The following HPSE2 variants were observed in gnomAD, a reference collection of about 807,000 sequenced individuals.
HPSE2 encodes the protein heparanase 2 (inactive).
A neutral mutation model predicts 60.5 loss-of-function variants in HPSE2; 38 were observed. The ratio of observed to expected loss-of-function variants is 0.63; its 90% CI spans 0.48 to 0.82. The LOEUF (loss-of-function observed/expected upper bound fraction) is 0.82. Among genes scored for constraint, HPSE2 ranks in the 40% least tolerant of loss-of-function variants. The pLI is 0.00. For missense variants in HPSE2, 713 were observed against 740.4 expected (o/e 0.96, Z 0.43); for synonymous variants, 295 against 293.2 (o/e 1.01, Z -0.06).
chr10:98,483,478 G>C (rs1280952967), intron 10 of HPSE2, among the ~76,000 whole-genome samples: 2 of 152,154 alleles, frequency 1.3e-5, no homozygotes, highest in Non-Finnish European at 2.9e-5. Flanking sequence ...GATTATTTCT[G>C]ATGGATAAAG....
rs533961819 is a variant in HPSE2 at position 98,829,715 on chromosome 10, A to G, written c.611-85659T>C. On this transcript the variant is annotated intron_variant, in intron 3 of 11. Coordinates refer to ENST00000370552, the MANE Select transcript of HPSE2 (RefSeq NM_021828.5). ...CCCCCAAAACAAAAACAAACAAACA[A>G]AAAACCAAAAACTTTATCTAGCCTT... Among the ~76,000 whole-genome samples, 567 of 152,260 alleles carry G rather than the reference A, an allele frequency of 3.7e-3. 8 individuals carry two copies. Among genetic ancestry groups the G allele is most frequent in the African/African-American group, 0.013 (546 of 41,556 alleles).
intron 11 of HPSE2, among the ~76,000 whole-genome samples, chr10:98,476,450 A>C (rs1011720012): frequency 2.7e-5 from 4 of 150,866 alleles, no homozygotes; most frequent in African/African-American, 9.8e-5. Flanking sequence ...GTGCACATGT[A>C]CCCTAAAACT....
At chr10:99,306,532 T>C in the HPSE2 span, among the ~76,000 whole-genome samples, 6 of 152,140 alleles carry the variant, frequency 3.9e-5, no homozygotes, top group East Asian at 3.9e-4. Flanking sequence ...TAATATATCT[T>C]TTTATGCCCT....
intron 7 of HPSE2, among the ~76,000 whole-genome samples, chr10:98,626,966 G>A (rs1946232990): frequency 6.6e-6 from 1 of 151,984 alleles, no homozygotes; most frequent in South Asian, 2.1e-4. Context: ...GTAGAGATGG[G>A]GTTTCACCGT....
At chr10:98,816,869 T>C (rs1454565322) in intron 3 of HPSE2, among the ~76,000 whole-genome samples, 1 of 152,188 alleles carries the variant, frequency 6.6e-6, no homozygotes, top group Non-Finnish European at 1.5e-5. Context: ...TGTCAATCTT[T>C]TTTTTTATTT....
intron 1 of HPSE2, among the ~76,000 whole-genome samples, chr10:99,235,123 CACACAT>C (rs1420906760): frequency 6.6e-6 from 1 of 151,540 alleles, no homozygotes; most frequent in Admixed American, 6.6e-5. Flanking sequence ...CACACACACA[CACACAT>C]ACCCATTCCT....
At chr10:98,896,207 C>T (rs879519410) in intron 3 of HPSE2, among the ~76,000 whole-genome samples, 17 of 151,810 alleles carry the variant, frequency 1.1e-4, no homozygotes, top group Non-Finnish European at 1.9e-4. Context: ...ACAGTTGATC[C>T]TAGTATATTT....
intron 9 of HPSE2, among the ~76,000 whole-genome samples, chr10:98,523,825 A>G (rs1384746398): frequency 6.6e-6 from 1 of 152,198 alleles, no homozygotes; most frequent in Admixed American, 6.5e-5. Context: ...GCCTCAGTAA[A>G]GTTTCCTTGT....
chr10:98,587,719 C>T (rs1039688306), intron 9 of HPSE2, among the ~76,000 whole-genome samples: 4 of 152,134 alleles, frequency 2.6e-5, no homozygotes, highest in Non-Finnish European at 5.9e-5. Flanking sequence ...ACACTTCTGC[C>T]CTCCTTCCCC....
At chr10:98,749,892 A>G (rs1264491339) in intron 3 of HPSE2, among the ~76,000 whole-genome samples, 1 of 144,328 alleles carries the variant, frequency 6.9e-6, no homozygotes, top group Non-Finnish European at 1.5e-5. Flanking sequence ...GAGCATCTGC[A>G]TGTGTAATTT....
At chr10:98,914,587 T>A (rs1430718426) in intron 3 of HPSE2, among the ~76,000 whole-genome samples, 1 of 148,098 alleles carries the variant, frequency 6.8e-6, no homozygotes, top group Admixed American at 6.9e-5. Context: ...TAACTTGATG[T>A]AACATCAGCT....
At chr10:98,732,478 T>C (rs1026994282) in intron 4 of HPSE2, among the ~76,000 whole-genome samples, 4 of 152,192 alleles carry the variant, frequency 2.6e-5, no homozygotes, top group Middle Eastern at 3.4e-3. Context: ...GAAACAAAAC[T>C]ATGTATGGTC....
At chr10:98,534,579 AT>A (rs1264084383) in intron 9 of HPSE2, among the ~76,000 whole-genome samples, 1 of 151,918 alleles carries the variant, frequency 6.6e-6, no homozygotes, top group African/African-American at 2.4e-5. Flanking sequence ...TAATTTTTGT[AT>A]TTTTAGTAGA....
chr10:98,867,470 G>C (rs529317123), intron 3 of HPSE2, among the ~76,000 whole-genome samples: 2 of 152,148 alleles, frequency 1.3e-5, no homozygotes, highest in East Asian at 3.9e-4. Context: ...CAGTCAAAAT[G>C]GCTTTTATAC....
At position 98,953,612 on chromosome 10, in the gene HPSE2, G is replaced by A. The variant is rs139108269; in HGVS notation, c.610+190626C>T. ...GCTCCACATTGACGGAGTGGAAGGA[G>A]GAACTGTTTTGGAGCTTGAGGATTT... On this transcript the variant is annotated intron_variant, in intron 3 of 11. Transcript: ENST00000370552. Among the ~76,000 whole-genome samples, 49 of 152,270 alleles carry A rather than the reference G, an allele frequency of 3.2e-4. 1 individual carries two copies. Among genetic ancestry groups the A allele is most frequent in the Middle Eastern group, 3.4e-3 (1 of 294 alleles).
At chr10:99,201,303 G>A (rs1283306997) in intron 2 of HPSE2, among the ~76,000 whole-genome samples, 1 of 151,906 alleles carries the variant, frequency 6.6e-6, no homozygotes, top group Non-Finnish European at 1.5e-5. Context: ...ACTGCTGCTT[G>A]ACTAATGTAA....
intron 3 of HPSE2, among the ~76,000 whole-genome samples, chr10:99,102,732 A>C (rs1244585310): frequency 1.3e-5 from 2 of 152,228 alleles, no homozygotes; most frequent in African/African-American, 2.4e-5. Flanking sequence ...AAAAATCCTC[A>C]ATAAAATACT....
At chr10:98,642,175 C>T (rs1339008667) in intron 6 of HPSE2, among the ~76,000 whole-genome samples, 3 of 152,112 alleles carry the variant, frequency 2.0e-5, no homozygotes, top group Non-Finnish European at 2.9e-5. Flanking sequence ...GCTTTTGTCA[C>T]GTGAAACCCC....
At chr10:98,548,377 G>A (rs991219317) in intron 9 of HPSE2, among the ~76,000 whole-genome samples, 1 of 152,182 alleles carries the variant, frequency 6.6e-6, no homozygotes, top group Non-Finnish European at 1.5e-5. Flanking sequence ...AGCACTTTGG[G>A]AGGCCGAGTT....
Sources: allele counts gnomAD v4.1 joint callset (sites outside exome capture counted in the v4.1 genomes callset), GRCh38; gene constraint gnomAD v4.1.1; transcripts MANE v1.5; gene names NCBI Gene and HGNC (gene_info 2026-07-23, HGNC 2026-07-21).